Variants in FAT3 observed in about 807,000 individuals in gnomAD.
FAT3 encodes FAT atypical cadherin 3.
A neutral mutation model predicts 310.2 loss-of-function variants in FAT3; 95 were observed. The observed-to-expected ratio is 0.31, with a 90% confidence interval of 0.26 to 0.36. The LOEUF (loss-of-function observed/expected upper bound fraction) is 0.36. Ranked by LOEUF, FAT3 falls within the 10% of genes least tolerant of loss-of-function variation. The pLI, the probability that FAT3 is intolerant of heterozygous loss-of-function variation, is 1.00. For synonymous variants in FAT3, 2,314 were observed against 2,192.9 expected (o/e 1.06, Z -1.54); for missense variants, 5,408 against 5,715.6 (o/e 0.95, Z 1.74).
At chr11:92,711,893 A>G (rs1331096975) in intron 4 of FAT3, among the ~76,000 whole-genome samples, 1 of 152,212 alleles carries the variant, frequency 6.6e-6, no homozygotes, top group African/African-American at 2.4e-5. Flanking sequence ...AAAATGATAT[A>G]TTGTAAGCAC....
intron 4 of FAT3, among the ~76,000 whole-genome samples, chr11:92,745,733 G>A (rs1158592617): frequency 6.6e-6 from 1 of 152,186 alleles, no homozygotes; most frequent in Non-Finnish European, 1.5e-5. Context: ...CTGCCATTTA[G>A]CAGTTGTTGG....
chr11:92,405,163 T>C (rs562110735), intron 2 of FAT3, among the ~76,000 whole-genome samples: 38 of 152,178 alleles, frequency 2.5e-4, no homozygotes, highest in African/African-American at 8.7e-4. Context: ...CTCATGACCA[T>C]TTTCTCCCAA....
intron 2 of FAT3, among the ~76,000 whole-genome samples, chr11:92,437,877 A>G (rs1950976743): frequency 6.6e-6 from 1 of 152,144 alleles, no homozygotes. Flanking sequence ...GGGGTCACTG[A>G]TGGCTTTAAT....
intron 23 of FAT3, 103 bp downstream of exon 23, chr11:92,880,987 G>A: frequency 7.7e-7 from 1 of 1,290,622 alleles, no homozygotes. Context: ...TAATAGTACA[G>A]GCAAAGGGTT....
In FAT3 at chr11:92,769,525, A is replaced by G. The variant is rs114680090; in HGVS notation, c.4195+4436A>G. Among the ~76,000 whole-genome samples, 241 of 152,304 alleles carry G rather than the reference A, an allele frequency of 1.6e-3. 1 individual carries two copies. The highest frequency in any genetic ancestry group is 4.9e-3 in the African/African-American group (203 of 41,572). ...CTTTATTCTGTTGGCAAATATTTCA[A>G]TAGAGAAGGCCACCTTTATTACACA... On this transcript the variant is annotated intron_variant, in intron 6 of 27. Transcript: ENST00000525166.
intron 2 of FAT3, among the ~76,000 whole-genome samples, chr11:92,371,991 A>C (rs1355121200): frequency 6.6e-6 from 1 of 152,212 alleles, no homozygotes; most frequent in Non-Finnish European, 1.5e-5. Context: ...TCACAGCTTC[A>C]CAACAATACT....
chr11:92,480,053 C>G (rs1233477580), intron 2 of FAT3, among the ~76,000 whole-genome samples: 1 of 152,098 alleles, frequency 6.6e-6, no homozygotes, highest in Non-Finnish European at 1.5e-5. Context: ...ATCACAAGGT[C>G]AGAAGATCGA....
chr11:92,261,384 T>C (rs968247453), intron 1 of FAT3, among the ~76,000 whole-genome samples: 5 of 152,102 alleles, frequency 3.3e-5, no homozygotes, highest in African/African-American at 1.2e-4. Flanking sequence ...GTTTGTAGAC[T>C]GAATGAATTA....
intron 4 of FAT3, among the ~76,000 whole-genome samples, chr11:92,756,942 T>TTA (rs1946010129): frequency 2.0e-5 from 3 of 147,368 alleles, no homozygotes; most frequent in African/African-American, 7.6e-5. Flanking sequence ...TTTTTTTTTT[T>TTA]AGACAGAGGT....
intron 9 of FAT3, among the ~76,000 whole-genome samples, chr11:92,793,595 C>T (rs1236038444): frequency 6.6e-6 from 1 of 152,158 alleles, no homozygotes; most frequent in Non-Finnish European, 1.5e-5. Flanking sequence ...TCATAGTTTA[C>T]TGATGGTTTG....
chr11:92,714,544 G>C (rs760196420), intron 4 of FAT3, among the ~76,000 whole-genome samples: 5 of 152,068 alleles, frequency 3.3e-5, no homozygotes, highest in Non-Finnish European at 7.4e-5. Flanking sequence ...TGATTAAACA[G>C]TTCTGACCAA....
At chr11:92,814,431 A>AG in intron 13 of FAT3, among the ~76,000 whole-genome samples, 1 of 152,212 alleles carries the variant, frequency 6.6e-6, no homozygotes, top group Non-Finnish European at 1.5e-5. Flanking sequence ...AATAAAATAA[A>AG]AACAGAAGAG....
chr11:92,479,887 A>T (rs1411216517), intron 2 of FAT3, among the ~76,000 whole-genome samples: 2 of 152,128 alleles, frequency 1.3e-5, no homozygotes, highest in Non-Finnish European at 2.9e-5. Flanking sequence ...TCGTCTATCC[A>T]GTGTGGGTGT....
At chr11:92,597,344 T>C (rs1939763333) in intron 3 of FAT3, among the ~76,000 whole-genome samples, 1 of 152,210 alleles carries the variant, frequency 6.6e-6, no homozygotes, top group South Asian at 2.1e-4. Flanking sequence ...TTATTCTTGA[T>C]TCATAGCTGA....
At chr11:92,369,887 A>T (rs1015969762) in intron 2 of FAT3, among the ~76,000 whole-genome samples, 1 of 152,162 alleles carries the variant, frequency 6.6e-6, no homozygotes, top group Non-Finnish European at 1.5e-5. Context: ...TTCAATAAGT[A>T]TGGAGCTTTG....
intron 1 of FAT3, among the ~76,000 whole-genome samples, chr11:92,248,751 ACACT>A (rs10552960): frequency 0.22 from 33,531 of 151,922 alleles, 3,781 homozygotes; most frequent in East Asian, 0.36. Context: ...TCAAAATGAC[ACACT>A]CACATGTATT....
chr11:92,609,957 T>A (rs759083022), intron 3 of FAT3, among the ~76,000 whole-genome samples: 20 of 152,204 alleles, frequency 1.3e-4, no homozygotes, highest in Non-Finnish European at 2.2e-4. Context: ...CGTCAATAAT[T>A]CTAGAAATAA....
chr11:92,635,370 A>T (rs1941727638), intron 3 of FAT3, among the ~76,000 whole-genome samples: 1 of 152,182 alleles, frequency 6.6e-6, no homozygotes, highest in East Asian at 1.9e-4. Flanking sequence ...GGCTTCTTCT[A>T]CATGCTATAG....
At chr11:92,337,344 TA>T in intron 1 of FAT3, among the ~76,000 whole-genome samples, 1 of 152,336 alleles carries the variant, frequency 6.6e-6, no homozygotes, top group East Asian at 1.9e-4. Context: ...CCCAAAAACA[TA>T]AAAGTAATGG....
Sources: allele counts gnomAD v4.1 joint callset (sites outside exome capture counted in the v4.1 genomes callset), GRCh38; gene constraint gnomAD v4.1.1; transcripts MANE v1.5; gene names NCBI Gene and HGNC (gene_info 2026-07-23, HGNC 2026-07-21).